E4F1: variants seen among roughly 807,000 people sequenced by gnomAD.
E4F1 encodes E4F transcription factor 1, also known as transcription factor E4F1.
E4F1 carries 30 observed loss-of-function variants against 72.9 expected under a neutral mutation model. The observed-to-expected ratio is 0.41, with a 90% confidence interval of 0.31 to 0.56. The LOEUF (loss-of-function observed/expected upper bound fraction) is 0.56, where lower values mean the gene tolerates loss of function less well. Ranked by LOEUF, E4F1 falls within the 20% of genes least tolerant of loss-of-function variation. The pLI is 0.25. For missense variants in E4F1, 1,091 were observed against 1,117.5 expected (o/e 0.98, Z 0.34); for synonymous variants, 542 against 478.2 (o/e 1.13, Z -1.74).
rs202118148 is a variant in E4F1, at chr16:2,235,047, A to G, written c.1936-34A>G. 3.7e-6 allele frequency: 6 copies of G among 1,612,068 alleles called. No homozygotes were observed. In the East Asian group the frequency reaches 1.3e-4, roughly 36 times the overall value. ...CCGTGCTGGGACCCAGGGGCAGCCA[A>G]GGCTGACCTCTGTCCTTCTGCCCAT... is the stretch of plus-strand genomic sequence containing the variant. On this transcript the variant is annotated intron_variant, in intron 12 of 13. Coordinates refer to ENST00000301727, the MANE Select transcript of E4F1 (RefSeq NM_004424.5).
In E4F1 at chr16:2,228,477, A is replaced by G; in HGVS notation, c.263A>G (p.Glu88Gly). 1.9e-6 allele frequency: 3 copies of G among 1,613,002 alleles called. No homozygotes were observed. Among genetic ancestry groups the G allele is most frequent in the South Asian group, 1.1e-5 (1 of 91,084 alleles). The stretch of plus-strand genomic sequence containing the variant: ...AAGGCCTGCCAGCGGGCCCCTCCGG[A>G]GGCCCTGCCTGCCACCCCTGCCACC... ...IQKACQRAPPEALPATPATTA... is the reference protein window; with the variant it reads ...IQKACQRAPPGALPATPATTA... The change falls in exon 2 of 14, where the codon GAG (glutamate) becomes GGG (glycine). Residue 88 changes from glutamate to glycine, a missense_variant. Physicochemically the swap from Glu to Gly is moderately conservative, Grantham distance 98. Transcript: ENST00000301727.
At position 2,232,594 on chromosome 16, in the gene E4F1, C is replaced by G; in HGVS notation, c.730+18C>G. On this transcript the variant is annotated intron_variant, in intron 5 of 13. Coordinates refer to ENST00000301727, the MANE Select transcript of E4F1 (RefSeq NM_004424.5). Reference sequence around the variant, plus strand: ...GCACACGGGTGAGCTGGCCGCACCTCGGGCTGGAGCCCGGTAGCACCCCGA... The same window carrying G: ...GCACACGGGTGAGCTGGCCGCACCTGGGGCTGGAGCCCGGTAGCACCCCGA... 6.2e-7 allele frequency: 1 copy of G among 1,610,874 alleles called. No individual in the cohort carries two copies. Among genetic ancestry groups the G allele is most frequent in the Non-Finnish European group, 8.5e-7 (1 of 1,178,912 alleles).
chr16:2,235,636 T>G lies in E4F1; in HGVS notation c.*64T>G. On this transcript the variant is annotated 3_prime_UTR_variant, in exon 14 of 14. Transcript: ENST00000301727. ...CAGAGGACTCTGAGCGCCCCACCCA[T>G]GCCTGCCTGGCCTGGTAGAGAAGAT... is the stretch of plus-strand genomic sequence containing the variant. 1.4e-6 allele frequency: 2 copies of G among 1,390,934 alleles called. No homozygotes were observed. The highest frequency in any genetic ancestry group is 1.9e-6 in the Non-Finnish European group (2 of 1,032,798). The allele number at this position is 1,390,934 out of a possible 1,614,324, so 86.2% of individuals were successfully genotyped here. A position where few individuals can be genotyped will look rare whatever the true frequency, so the allele number is the denominator to read the frequency against.
At chr16:2,228,545 C>A (rs771449272) in intron 2 of E4F1, 22 bp downstream of exon 2, 1 of 1,606,926 alleles carries the variant, frequency 6.2e-7, no homozygotes, top group Non-Finnish European at 8.5e-7. Flanking sequence ...CCCACTCCCC[C>A]ATCCCCTCCC....
In E4F1 at chr16:2,235,021, G is replaced by A; in HGVS notation, c.1935+20G>A. ...ATCGAGGTGGGTGTGGGGCCCTGGG[G>A]CCGTGCTGGGACCCAGGGGCAGCCA... is the stretch of plus-strand genomic sequence containing the variant. On this transcript the variant is annotated intron_variant, in intron 12 of 13. Transcript: ENST00000301727. 1 of 1,612,016 alleles carries A rather than the reference G, an allele frequency of 6.2e-7. No homozygotes were observed.
At chr16:2,232,018 T>G in intron 3 of E4F1, 153 bp from the exon 4 acceptor site, 3 of 899,720 alleles carry the variant, frequency 3.3e-6, no homozygotes, top group Non-Finnish European at 3.4e-6. Flanking sequence ...AATGGGACCT[T>G]GGCTGTTGCT....
At position 2,233,989 on chromosome 16, in the gene E4F1, C is replaced by T. The variant is rs369334404; in HGVS notation, c.1374C>T (p.Thr458=). 36 of 1,586,980 alleles carry T rather than the reference C, an allele frequency of 2.3e-5. No individual in the cohort carries two copies. The highest frequency in any genetic ancestry group is 1.9e-4 in the African/African-American group (14 of 74,442). Residue 458 remains threonine, a splice_region_variant and synonymous_variant, in exon 9 of 14, where the codon ACC becomes ACT. Coordinates refer to ENST00000301727, the MANE Select transcript of E4F1 (RefSeq NM_004424.5). ...ATLEAHKRGH[T]GPRPFACAQC... ...TGGAGGCCCACAAGAGGGGCCACAC[C>T]GGTAGGTGATGGGTGGGTGTGTGGC...
intron 9 of E4F1, 28 bp from the exon 10 acceptor site, chr16:2,234,143 C>G: frequency 6.2e-7 from 1 of 1,608,224 alleles, no homozygotes; most frequent in South Asian, 1.1e-5. Flanking sequence ...GGGTGATGGG[C>G]TTGGCCTGAT....
intron 1 of E4F1, 147 bp downstream of exon 1, chr16:2,223,917 A>C: frequency 6.5e-7 from 1 of 1,530,576 alleles, no homozygotes; most frequent in South Asian, 1.2e-5. Context: ...ACAGCCCTCC[A>C]CGAAACCCCC....
At chr16:2,230,314 G>C in intron 3 of E4F1, 1 of 153,948 alleles carries the variant, frequency 6.5e-6, no homozygotes, top group Non-Finnish European at 1.4e-5. Context: ...GTCTGGATGG[G>C]CAGGCTCTCA....
At chr16:2,229,705 G>T in intron 3 of E4F1, 30 bp downstream of exon 3, 1 of 1,608,650 alleles carries the variant, frequency 6.2e-7, no homozygotes, top group South Asian at 1.1e-5. Flanking sequence ...TCGCTGGCCT[G>T]ATAGACCTTC....
In E4F1 at chr16:2,223,673, A is replaced by G. The variant is rs1194091309; in HGVS notation, c.60A>G (p.Glu20=). The change falls in exon 1 of 14, where the codon GAA becomes GAG. Residue 20 remains glutamate, a synonymous_variant. Coordinates refer to ENST00000301727, the MANE Select transcript of E4F1 (RefSeq NM_004424.5). Reference sequence around the variant, plus strand: ...CTCATACGGCAGAAGCCCAGGCCGAAGCCGGGCGGGAAGCGGGCGAGGGTG... The same window carrying G: ...CTCATACGGCAGAAGCCCAGGCCGAGGCCGGGCGGGAAGCGGGCGAGGGTG... The part of the protein sequence containing the change: ...TAAHTAEAQA[E]AGREAGEGAV... 7 of 1,582,632 alleles carry G rather than the reference A, an allele frequency of 4.4e-6. No homozygotes were observed. The highest frequency in any genetic ancestry group is 1.1e-5 in the South Asian group (1 of 89,320).
At chr16:2,232,105 C>A (rs1279365500) in intron 3 of E4F1, 66 bp from the exon 4 acceptor site, 6 of 1,583,852 alleles carry the variant, frequency 3.8e-6, no homozygotes, top group Non-Finnish European at 5.1e-6. Flanking sequence ...TCCCCTGGAG[C>A]CAGCAGTCTC....
rs768604168 is a variant in E4F1, at chr16:2,234,329, G to A, written c.1534G>A (p.Val512Ile). 19 of 1,612,880 alleles carry A rather than the reference G, an allele frequency of 1.2e-5. No individual in the cohort carries two copies. Among genetic ancestry groups the A allele is most frequent in the Admixed American group, 3.3e-5 (2 of 60,006 alleles). Residue 512 changes from valine (V) to isoleucine (I), a missense_variant, in exon 10 of 14, where the codon GTC becomes ATC. Physicochemically the swap from Val to Ile is conservative, Grantham distance 29. Transcript: ENST00000301727. ...TGCCCATGTGCGTGGCCACCGGCGC[G>A]TCCACTCAGACGAGCGGCCCTACCC... ...TIAHVRGHRR[V>I]HSDERPYPCP...
chr16:2,234,494 C>G, intron 10 of E4F1, 89 bp from the exon 11 acceptor site: 1 of 1,560,184 alleles, frequency 6.4e-7, no homozygotes, highest in African/African-American at 1.4e-5. Flanking sequence ...CAGTCTTGAC[C>G]CAGCCCCTCC....
intron 1 of E4F1, among the ~76,000 whole-genome samples, chr16:2,225,046 C>G (rs932820757): frequency 6.6e-6 from 1 of 151,692 alleles, no homozygotes; most frequent in Non-Finnish European, 1.5e-5. Flanking sequence ...AACCCCTTCT[C>G]TACTAAAAAT....
intron 1 of E4F1, among the ~76,000 whole-genome samples, chr16:2,226,120 G>T (rs2093431352): frequency 6.6e-6 from 1 of 152,110 alleles, no homozygotes; most frequent in African/African-American, 2.4e-5. Flanking sequence ...GATGCAGATT[G>T]GGTCAGACAG....
intron 1 of E4F1, among the ~76,000 whole-genome samples, chr16:2,224,837 T>C (rs2093421960): frequency 6.6e-6 from 1 of 151,866 alleles, no homozygotes; most frequent in African/African-American, 2.4e-5. Context: ...AAGGGTTGGA[T>C]TGGATCTCAG....
At position 2,234,326 on chromosome 16, in the gene E4F1, C is replaced by A; in HGVS notation, c.1531C>A (p.Arg511Ser). 6.2e-7 allele frequency: 1 copy of A among 1,612,876 alleles called. No individual in the cohort carries two copies. The highest frequency in any genetic ancestry group is 8.5e-7 in the Non-Finnish European group (1 of 1,180,006). ...CATTGCCCATGTGCGTGGCCACCGG[C>A]GCGTCCACTCAGACGAGCGGCCCTA... ...KTIAHVRGHR[R>S]VHSDERPYPC... Residue 511 changes from arginine (R) to serine (S), a missense_variant, in exon 10 of 14, where the codon CGC becomes AGC. Transcript: ENST00000301727.
Sources: gnomAD v4.1 joint callset for allele counts (sites outside exome capture counted in the v4.1 genomes callset) on GRCh38, gnomAD v4.1.1 for gene constraint, MANE v1.5 for transcripts, NCBI Gene and HGNC (gene_info 2026-07-23, HGNC 2026-07-21) for gene names.